The following TOP2A variants were observed in gnomAD, a reference collection of about 807,000 sequenced individuals.
The protein encoded by TOP2A is DNA topoisomerase II alpha.
In TOP2A, 68 loss-of-function variants were observed where a neutral mutation model predicts 187.2. The ratio of observed to expected loss-of-function variants is 0.36; its 90% CI spans 0.30 to 0.44. The LOEUF (loss-of-function observed/expected upper bound fraction) is 0.44. Ranked by LOEUF, TOP2A falls within the 20% of genes least tolerant of loss-of-function variation. TOP2A has a pLI of 1.00. For synonymous variants in TOP2A, 542 were observed against 593.2 expected (o/e 0.91, Z 1.25); for missense variants, 1,196 against 1,808.7 (o/e 0.66, Z 6.14).
rs759518909 is a variant in TOP2A at position 40,395,439 on chromosome 17, GT to G, written c.3811+9del. 1.3e-5 allele frequency: 20 copies of G among 1,569,400 alleles called. No homozygotes were observed. The highest frequency in any genetic ancestry group is 1.6e-5 in the Non-Finnish European group (18 of 1,146,688). ...CACTTTATACCATTTTTCTAAAAAT[GT>G]TGTAATACCTGGTTCTCTTTTCTGT... On this transcript the variant is annotated intron_variant, in intron 29 of 34. Coordinates refer to ENST00000423485, the MANE Select transcript of TOP2A (RefSeq NM_001067.4).
At chr17:40,406,808 G>A (rs1598615935) in intron 14 of TOP2A, 24 bp downstream of exon 14, 3 of 1,583,198 alleles carry the variant, frequency 1.9e-6, no homozygotes, top group South Asian at 1.1e-5. Context: ...AAATATCCAT[G>A]ATGGTACTTA....
rs2035161542 is a variant in TOP2A, at chr17:40,400,319, T to A, written c.2890A>T (p.Thr964Ser). The change falls in exon 23 of 35, where the codon ACC (threonine) becomes TCC (serine). Residue 964 changes from threonine (T) to serine (S), a missense_variant. This residue lies in a region of TOP2A where 232 missense variants were observed against 306.1 expected (regional missense o/e 0.76). Transcript: ENST00000423485. ...ITDYREYHTD[T>S]TVKFVVKMTE... ...ATCTTCACAACAAATTTCACAGTGG[T>A]ATCTGTATGGTATTCCCTATAGTCT... 1 of 1,613,678 alleles carries A rather than the reference T, an allele frequency of 6.2e-7. No individual in the cohort carries two copies. Among genetic ancestry groups the A allele is most frequent in the East Asian group, 2.2e-5 (1 of 44,874 alleles).
intron 27 of TOP2A, among the ~76,000 whole-genome samples, chr17:40,396,765 T>C (rs2035104719): frequency 6.6e-6 from 1 of 152,152 alleles, no homozygotes; most frequent in Non-Finnish European, 1.5e-5. Flanking sequence ...TAAACTCACA[T>C]ACAAAATATG....
intron 32 of TOP2A, 176 bp downstream of exon 32, chr17:40,391,892 G>A (rs1465895456): frequency 1.3e-6 from 1 of 773,650 alleles, no homozygotes; most frequent in East Asian, 2.7e-5. Flanking sequence ...TATACTGAAT[G>A]CAGTACCTAT....
intron 16 of TOP2A, 143 bp downstream of exon 16, chr17:40,406,241 G>A: frequency 1.6e-6 from 1 of 639,452 alleles, no homozygotes; most frequent in East Asian, 2.8e-5. Flanking sequence ...CCTTCTCTGG[G>A]ATATGCTTAC....
At position 40,401,082 on chromosome 17, in the gene TOP2A, C is replaced by G; in HGVS notation, c.2433-1G>C. 1 of 1,606,914 alleles carries G rather than the reference C, an allele frequency of 6.2e-7. No homozygotes were observed. Among genetic ancestry groups the G allele is most frequent in the Non-Finnish European group, 8.5e-7 (1 of 1,176,528 alleles). On this transcript the variant is annotated splice_acceptor_variant, in intron 20 of 34. Transcript: ENST00000423485. LOFTEE classifies it high-confidence loss of function. Reference sequence around the variant, plus strand: ...TGGAAATAACAATCGAGCCAAAGAGCTAAAGAAAAGAAACAAAGAATGTTA... The same window carrying G: ...TGGAAATAACAATCGAGCCAAAGAGGTAAAGAAAAGAAACAAAGAATGTTA...
intron 19 of TOP2A, among the ~76,000 whole-genome samples, chr17:40,403,652 T>C (rs941468456): frequency 6.6e-6 from 1 of 152,200 alleles, no homozygotes; most frequent in Non-Finnish European, 1.5e-5. Context: ...AGTCAAACAA[T>C]TCAGACACAT....
At chr17:40,391,838 T>C (rs2035025191) in intron 32 of TOP2A, 198 bp from the exon 33 acceptor site, 1 of 790,444 alleles carries the variant, frequency 1.3e-6, no homozygotes, top group Admixed American at 3.3e-5. Flanking sequence ...TTTGTATCTC[T>C]AGCACCTAGC....
intron 29 of TOP2A, among the ~76,000 whole-genome samples, chr17:40,394,045 G>A (rs1260879785): frequency 1.4e-5 from 2 of 140,192 alleles, no homozygotes; most frequent in East Asian, 2.0e-4. Context: ...CAGCCTGGGC[G>A]ACAGAGCGAA....
Position 40,390,052 on chromosome 17 carries a change from G to A in TOP2A, c.4380C>T (p.Thr1460=). ...ATGGCTTCCTTTTGCGGCGATTCTT[G>A]GTTTTGGCAGGATCAGGCTTTTGAG... is the stretch of plus-strand genomic sequence containing the variant. ...GVSQKPDPAK[T]KNRRKRKPST... The change falls in exon 34 of 35, where the codon ACC becomes ACT. Residue 1460 remains threonine, a synonymous_variant. Coordinates refer to ENST00000423485, the MANE Select transcript of TOP2A (RefSeq NM_001067.4). 4 of 1,613,890 alleles carry A rather than the reference G, an allele frequency of 2.5e-6. No homozygotes were observed. Among genetic ancestry groups the A allele is most frequent in the Non-Finnish European group, 3.4e-6 (4 of 1,179,848 alleles).
rs1400101465 is a variant in TOP2A, at chr17:40,396,376, T to C, written c.3627A>G (p.Glu1209=). The C allele has an allele frequency of 1.2e-6, 2 of 1,613,898 alleles. No homozygotes were observed. The highest frequency in any genetic ancestry group is 1.7e-6 in the Non-Finnish European group (2 of 1,179,902). Residue 1209 remains glutamate, a synonymous_variant, in exon 28 of 35, where the codon GAA becomes GAG. Coordinates refer to ENST00000423485, the MANE Select transcript of TOP2A (RefSeq NM_001067.4). ...KAKGKKTQMA[E]VLPSPRGQRV... ...TTTGACCACGCGGAGAAGGCAAAAC[T>C]TCAGCCATTTGTGTTTTTTTCCCCT...
chr17:40,402,473 G>A (rs2035193979), intron 20 of TOP2A, among the ~76,000 whole-genome samples: 2 of 152,142 alleles, frequency 1.3e-5, no homozygotes, highest in Admixed American at 6.6e-5. Flanking sequence ...AAGCTAATAA[G>A]GTAGAAGAGA....
intron 29 of TOP2A, among the ~76,000 whole-genome samples, chr17:40,395,219 A>AGG (rs1567782070): frequency 7.0e-6 from 1 of 143,408 alleles, no homozygotes; most frequent in African/African-American, 2.5e-5. Flanking sequence ...GGAGGTGAAG[A>AGG]TTGCAGTGAG....
In TOP2A at chr17:40,417,861, C is replaced by G. The variant is rs952611660; in HGVS notation, c.-70G>C. 3.8e-6 allele frequency: 6 copies of G among 1,597,542 alleles called. No homozygotes were observed. The highest frequency in any genetic ancestry group is 1.7e-5 in the Admixed American group (1 of 58,190). ...CAGGCAGGACCCCACGAGACCACCC[C>G]CGACCAAGCCGCTTCTCCACAGACG... On this transcript the variant is annotated 5_prime_UTR_variant, in exon 1 of 35. Coordinates refer to ENST00000423485, the MANE Select transcript of TOP2A (RefSeq NM_001067.4).
At chr17:40,412,632 A>T in intron 7 of TOP2A, 127 bp downstream of exon 7, 1 of 801,718 alleles carries the variant, frequency 1.2e-6, no homozygotes, top group Non-Finnish European at 2.0e-6. Context: ...CAACAGTGTG[A>T]GACTCTGTCT....
intron 10 of TOP2A, chr17:40,409,602 T>A (rs886921666): frequency 3.0e-6 from 1 of 334,438 alleles, no homozygotes; most frequent in Non-Finnish European, 5.8e-6. Flanking sequence ...CTATTAAAAA[T>A]ACAAAAATTA....
rs2034999295 is a variant in TOP2A, at chr17:40,389,707, T to TA, written c.4468-61dup. The TA allele has an allele frequency of 8.4e-6, 13 of 1,551,898 alleles. No individual in the cohort carries two copies. The South Asian group carries it at 1.6e-4, about 19-fold the overall frequency. On this transcript the variant is annotated intron_variant, in intron 34 of 34. Coordinates refer to ENST00000423485, the MANE Select transcript of TOP2A (RefSeq NM_001067.4). ...TAAATCTGACAACATAATTGTAATG[T>TA]AAAAAAATGTATCAAGACACTATAT...
chr17:40,392,231 T>C lies in TOP2A; in HGVS notation c.4075A>G (p.Lys1359Glu). The C allele has an allele frequency of 6.2e-7, 1 of 1,613,172 alleles. No homozygotes were observed. The highest frequency in any genetic ancestry group is 8.5e-7 in the Non-Finnish European group (1 of 1,179,594). Reference protein sequence around the residue: ...VPSDASPPKTKTSPKLSNKEL... With the variant: ...VPSDASPPKTETSPKLSNKEL... ...TAAGATACTTGCTTTGGGGAAGTTT[T>C]GGTCTTAGGTGGACTAGCATCTGAT... Residue 1359 changes from lysine (K) to glutamate (E), a missense_variant, in exon 31 of 35, where the codon AAA (lysine) becomes GAA (glutamate). Lys to Glu is a moderately conservative substitution (Grantham distance 56, BLOSUM62 1). Coordinates refer to ENST00000423485, the MANE Select transcript of TOP2A (RefSeq NM_001067.4).
Position 40,407,687 on chromosome 17 carries a change from T to C in TOP2A, c.1501-13A>G, listed in dbSNP as rs2035266016. Reference sequence around the variant, plus strand: ...CATTTTCCATGATCTGAAATGGACATATACCAAAAAAAGCATCGTTTATAA... The same window carrying C: ...CATTTTCCATGATCTGAAATGGACACATACCAAAAAAAGCATCGTTTATAA... On this transcript the variant is annotated splice_polypyrimidine_tract_variant and intron_variant, in intron 12 of 34. Transcript: ENST00000423485. 6.4e-7 allele frequency: 1 copy of C among 1,561,402 alleles called. No individual in the cohort carries two copies. The highest frequency in any genetic ancestry group is 1.4e-5 in the African/African-American group (1 of 72,574).
Sources: allele counts gnomAD v4.1 joint callset (sites outside exome capture counted in the v4.1 genomes callset), GRCh38; gene constraint gnomAD v4.1.1; regional missense constraint gnomAD v4.1.1; transcripts MANE v1.5; gene names NCBI Gene and HGNC (gene_info 2026-07-23, HGNC 2026-07-21).